Variants in SHISA9 observed in about 807,000 individuals in gnomAD.
SHISA9 encodes protein shisa-9.
SHISA9 carries 13 observed loss-of-function variants against 38.0 expected under a neutral mutation model. The ratio of observed to expected loss-of-function variants is 0.34; its 90% CI spans 0.22 to 0.54. The LOEUF (loss-of-function observed/expected upper bound fraction) is 0.54, where lower values mean the gene tolerates loss of function less well. Among genes scored for constraint, SHISA9 ranks in the 20% least tolerant of loss-of-function variants. SHISA9 has a pLI of 0.91. For synonymous variants in SHISA9, 275 were observed against 242.0 expected (o/e 1.14, Z -1.27); for missense variants, 538 against 575.8 (o/e 0.93, Z 0.67).
At chr16:13,542,861 T>C in the SHISA9 span, among the ~76,000 whole-genome samples, 1 of 152,230 alleles carries the variant, frequency 6.6e-6, no homozygotes, top group Non-Finnish European at 1.5e-5. Context: ...AGAGCGTTTC[T>C]GTCTCTTTCA....
intron 2 of SHISA9, among the ~76,000 whole-genome samples, chr16:13,111,437 T>G (rs1479612836): frequency 2.0e-5 from 3 of 152,122 alleles, no homozygotes; most frequent in Admixed American, 1.3e-4. Context: ...AAATCCTGAT[T>G]GCAGAAGATC....
At chr16:13,272,077 TA>T in the SHISA9 span, among the ~76,000 whole-genome samples, 24,664 of 117,344 alleles carry the variant, frequency 0.21, 2,297 homozygotes, top group Non-Finnish European at 0.26. Flanking sequence ...ATCTCAAAAT[TA>T]AAAAAAAAAA....
At chr16:13,507,365 C>G in the SHISA9 span, among the ~76,000 whole-genome samples, 4 of 152,094 alleles carry the variant, frequency 2.6e-5, no homozygotes, top group Non-Finnish European at 5.9e-5. Context: ...CTCCAGATAT[C>G]TGCCCTGTAG....
At chr16:13,196,682 C>T (rs2050946651) in intron 2 of SHISA9, among the ~76,000 whole-genome samples, 1 of 152,214 alleles carries the variant, frequency 6.6e-6, no homozygotes, top group African/African-American at 2.4e-5. Flanking sequence ...AAATATACCA[C>T]ACTAATATGT....
intron 2 of SHISA9, among the ~76,000 whole-genome samples, chr16:12,992,171 A>C (rs1339749676): frequency 7.9e-5 from 12 of 152,148 alleles, no homozygotes; most frequent in Admixed American, 2.0e-4. Context: ...AAGTTTGAGA[A>C]ATAGCATTCT....
intron 2 of SHISA9, among the ~76,000 whole-genome samples, chr16:13,158,458 A>G (rs2050565901): frequency 6.6e-6 from 1 of 152,194 alleles, no homozygotes; most frequent in Non-Finnish European, 1.5e-5. Flanking sequence ...CCCCAAAACC[A>G]TGCCACAAAA....
the SHISA9 span, among the ~76,000 whole-genome samples, chr16:13,443,919 CCTAGAAGTCCAGT>C: frequency 6.6e-6 from 1 of 152,174 alleles, no homozygotes; most frequent in Admixed American, 6.5e-5. Context: ...AGAAGTCCAG[CCTAGAAGTCCAGT>C]AACTTACTTC....
chr16:13,294,291 G>A, the SHISA9 span, among the ~76,000 whole-genome samples: 1 of 152,158 alleles, frequency 6.6e-6, no homozygotes, highest in South Asian at 2.1e-4. Context: ...CCCCAGGATG[G>A]GTTCAGCACA....
At chr16:13,471,801 A>G in the SHISA9 span, among the ~76,000 whole-genome samples, 1 of 152,216 alleles carries the variant, frequency 6.6e-6, no homozygotes, top group Non-Finnish European at 1.5e-5. Flanking sequence ...GCCACAGATA[A>G]GCAAAAGTCA....
chr16:13,181,488 T>C (rs1398541603), intron 2 of SHISA9, among the ~76,000 whole-genome samples: 4 of 151,582 alleles, frequency 2.6e-5, no homozygotes, highest in Non-Finnish European at 4.4e-5. Context: ...TAGAGATCAA[T>C]GGGAAAGGTA....
the SHISA9 span, among the ~76,000 whole-genome samples, chr16:13,263,047 G>A: frequency 6.6e-6 from 1 of 152,048 alleles, no homozygotes; most frequent in African/African-American, 2.4e-5. Flanking sequence ...TTCTTGCAAC[G>A]TAACTATTCA....
chr16:13,359,629 C>T, the SHISA9 span, among the ~76,000 whole-genome samples: 1 of 152,136 alleles, frequency 6.6e-6, no homozygotes, highest in Non-Finnish European at 1.5e-5. Flanking sequence ...CATACTTTTA[C>T]CTCTCTGAGA....
the SHISA9 span, among the ~76,000 whole-genome samples, chr16:13,524,809 C>T: frequency 2.0e-5 from 3 of 151,848 alleles, no homozygotes; most frequent in Non-Finnish European, 2.9e-5. Flanking sequence ...TCAAGCAATT[C>T]TCCTACCTTG....
intron 3 of SHISA9, 63 bp downstream of exon 3, chr16:13,203,612 T>C: frequency 1.4e-6 from 2 of 1,380,264 alleles, no homozygotes; most frequent in South Asian, 1.8e-5. Context: ...CTGCTTCTTG[T>C]AGATCTCTTT....
chr16:12,904,601 G>A (rs760253375), intron 1 of SHISA9, among the ~76,000 whole-genome samples: 1 of 152,152 alleles, frequency 6.6e-6, no homozygotes, highest in Non-Finnish European at 1.5e-5. Flanking sequence ...CGGCCTGGTG[G>A]CAGAATCTAG....
At chr16:13,428,769 TA>T in the SHISA9 span, among the ~76,000 whole-genome samples, 2 of 87,978 alleles carry the variant, frequency 2.3e-5, no homozygotes, top group African/African-American at 3.8e-5. Context: ...TTTATTGTTT[TA>T]TTGTTTTTTT....
the SHISA9 span, among the ~76,000 whole-genome samples, chr16:13,467,332 G>A: frequency 6.6e-6 from 1 of 152,188 alleles, no homozygotes; most frequent in Non-Finnish European, 1.5e-5. Flanking sequence ...CTCCCCCAGA[G>A]CAGAACACTT....
the SHISA9 span, among the ~76,000 whole-genome samples, chr16:13,339,011 A>G: frequency 6.6e-6 from 1 of 152,160 alleles, no homozygotes; most frequent in South Asian, 2.1e-4. Context: ...GAGACACAGT[A>G]TGACACAGAG....
chr16:13,456,808 A>G, the SHISA9 span, among the ~76,000 whole-genome samples: 1 of 152,258 alleles, frequency 6.6e-6, no homozygotes, highest in East Asian at 1.9e-4. Context: ...TCAGGACACC[A>G]AGTCCCAGGT....
Sources: allele counts gnomAD v4.1 joint callset (sites outside exome capture counted in the v4.1 genomes callset), GRCh38; gene constraint gnomAD v4.1.1; transcripts MANE v1.5; gene names NCBI Gene and HGNC (gene_info 2026-07-23, HGNC 2026-07-21).